Variants in TEK observed in about 807,000 individuals in gnomAD.
TEK encodes angiopoietin-1 receptor.
A neutral mutation model predicts 131.8 loss-of-function variants in TEK; 43 were observed. That is an observed-to-expected ratio of 0.33 (90% CI 0.26 to 0.42). The LOEUF is 0.42. TEK is among the 10% of genes least tolerant of loss of function. TEK has a pLI of 1.00. For synonymous variants in TEK, 580 were observed against 491.6 expected (o/e 1.18, Z -2.38); for missense variants, 1,162 against 1,384.4 (o/e 0.84, Z 2.55).
chr9:27,171,717 A>T (rs77963536), intron 4 of TEK, among the ~76,000 whole-genome samples: 2,283 of 152,290 alleles, frequency 0.015, 67 homozygotes, highest in African/African-American at 0.052. Flanking sequence ...TTGTAATATG[A>T]ATCTTAAAAA....
chr9:27,123,974 G>A lies in TEK; in HGVS notation c.52+14332G>A, dbSNP rs193133977. Among the ~76,000 whole-genome samples the A allele has an allele frequency of 4.3e-3, 648 of 152,186 alleles. 4 individuals carry two copies. Among genetic ancestry groups the A allele is most frequent in the Non-Finnish European group, 5.5e-3 (374 of 67,986 alleles). ...GTATTTTTAGTAGAGATGGGGTTTCGCCAAGTTGGTCAGGCTGGTCTTGAA... is the reference window on the plus strand; with the variant it reads ...GTATTTTTAGTAGAGATGGGGTTTCACCAAGTTGGTCAGGCTGGTCTTGAA... On this transcript the variant is annotated intron_variant, in intron 1 of 22. Coordinates refer to ENST00000380036, the MANE Select transcript of TEK (RefSeq NM_000459.5).
chr9:27,197,703 G>A, intron 12 of TEK, 104 bp downstream of exon 12: 3 of 1,467,128 alleles, frequency 2.0e-6, no homozygotes, highest in Non-Finnish European at 1.9e-6. Flanking sequence ...ATGAAAGAAA[G>A]TTAGTTGTGA....
intron 4 of TEK, among the ~76,000 whole-genome samples, chr9:27,169,888 ACTCAGGGCAAATCATTTTCTTTT>A (rs1196590180): frequency 2.6e-5 from 4 of 152,162 alleles, no homozygotes; most frequent in South Asian, 4.1e-4. Context: ...GCTGGGGAAA[ACTCAGGGCAAATCATTTTCTTTT>A]CTCAGGGCAA....
Position 27,109,438 on chromosome 9 carries a change from G to A in TEK, c.-153G>A, listed in dbSNP as rs188791221. On this transcript the variant is annotated 5_prime_UTR_variant, in exon 1 of 23. Coordinates refer to ENST00000380036, the MANE Select transcript of TEK (RefSeq NM_000459.5). ...CTCAGACAGAAATGAGACTGTTACAGCCTGCTTCTGTGCTGTTCCTTCTTG... is the reference window on the plus strand; with the variant it reads ...CTCAGACAGAAATGAGACTGTTACAACCTGCTTCTGTGCTGTTCCTTCTTG... 42 of 785,786 alleles carry A rather than the reference G, an allele frequency of 5.3e-5. No individual in the cohort carries two copies. The highest frequency in any genetic ancestry group is 4.1e-4 in the South Asian group (28 of 68,308). 48.7% of individuals were successfully genotyped at this position (785,786 alleles called of 1,614,324 possible). A position where few individuals can be genotyped will look rare whatever the true frequency, so the allele number is the denominator to read the frequency against.
intron 16 of TEK, among the ~76,000 whole-genome samples, chr9:27,209,543 G>A (rs1189907175): frequency 1.3e-5 from 2 of 152,126 alleles, no homozygotes; most frequent in Non-Finnish European, 2.9e-5. Flanking sequence ...TACTATTATA[G>A]TAGGGGAGCC....
chr9:27,144,315 G>A lies in TEK; in HGVS notation c.53-13516G>A, dbSNP rs12341639. On this transcript the variant is annotated intron_variant, in intron 1 of 22. Transcript: ENST00000380036. The stretch of plus-strand genomic sequence containing the variant: ...AGGAAAAGGAGAATATGTAAAGAGC[G>A]TAGCTCATGCGAAGATGCTATGGAT... Among the ~76,000 whole-genome samples the A allele has an allele frequency of 4.1e-3, 627 of 152,230 alleles. 3 individuals carry two copies. The highest frequency in any genetic ancestry group is 0.014 in the African/African-American group (597 of 41,532).
At chr9:27,190,454 C>G in intron 9 of TEK, 75 bp from the exon 10 acceptor site, 1 of 1,577,120 alleles carries the variant, frequency 6.3e-7, no homozygotes, top group Non-Finnish European at 8.7e-7. Context: ...TAAAACATAT[C>G]TTCTACCTCT....
chr9:27,109,752 A>G, intron 1 of TEK, 110 bp downstream of exon 1: 2 of 1,048,106 alleles, frequency 1.9e-6, no homozygotes, highest in Non-Finnish European at 1.5e-6. Flanking sequence ...GGGTGGCTGT[A>G]GCAAAGGCAC....
At chr9:27,185,779 T>A in intron 9 of TEK, 150 bp downstream of exon 9, 1 of 1,093,660 alleles carries the variant, frequency 9.1e-7, no homozygotes, top group Non-Finnish European at 1.3e-6. Context: ...TGCATGAAAC[T>A]AGAGTGAAGA....
intron 9 of TEK, among the ~76,000 whole-genome samples, chr9:27,190,235 A>C (rs1424462269): frequency 1.3e-5 from 2 of 152,142 alleles, no homozygotes; most frequent in Admixed American, 6.6e-5. Flanking sequence ...TAATCACTCA[A>C]GGCCTGGCTG....
chr9:27,139,144 C>T (rs534381191), intron 1 of TEK, among the ~76,000 whole-genome samples: 20 of 135,468 alleles, frequency 1.5e-4, no homozygotes, highest in Non-Finnish European at 2.9e-4. Context: ...ACCTGGGAGG[C>T]GGAGCTTGCA....
Position 27,220,151 on chromosome 9 carries a change from T to G in TEK, c.3200+6T>G. 1 of 1,613,428 alleles carries G rather than the reference T, an allele frequency of 6.2e-7. No homozygotes were observed. Among genetic ancestry groups the G allele is most frequent in the Non-Finnish European group, 8.5e-7 (1 of 1,179,838 alleles). On this transcript the variant is annotated splice_donor_region_variant and intron_variant, in intron 21 of 22. Transcript: ENST00000380036. ...CTGAACTGTGATGATGAGGTGTAAG[T>G]CAGGCCTCATCCTGGGGCTATTTTG...
At chr9:27,183,671 C>T (rs1824484797) in intron 8 of TEK, 61 bp downstream of exon 8, 3 of 1,591,308 alleles carry the variant, frequency 1.9e-6, no homozygotes, top group Non-Finnish European at 1.7e-6. Context: ...TAGTAATCAC[C>T]CCACTAAATG....
At chr9:27,172,501 A>G (rs963177337) in intron 4 of TEK, 115 bp from the exon 5 acceptor site, 4 of 1,433,618 alleles carry the variant, frequency 2.8e-6, no homozygotes, top group Non-Finnish European at 1.9e-6. Flanking sequence ...CAGAGCCTGT[A>G]TTTTATCTTT....
At chr9:27,121,533 A>G (rs1348885133) in intron 1 of TEK, among the ~76,000 whole-genome samples, 1 of 150,200 alleles carries the variant, frequency 6.7e-6, no homozygotes, top group East Asian at 1.9e-4. Flanking sequence ...TATATGTATA[A>G]ATATATTTTC....
intron 1 of TEK, among the ~76,000 whole-genome samples, chr9:27,111,044 C>T (rs993628973): frequency 6.6e-6 from 1 of 152,118 alleles, no homozygotes; most frequent in South Asian, 2.1e-4. Flanking sequence ...TAGGTTAATA[C>T]ACACACAACT....
rs113907410 is a variant in TEK at position 27,111,200 on chromosome 9, C to T, written c.52+1558C>T. On this transcript the variant is annotated intron_variant, in intron 1 of 22. Coordinates refer to ENST00000380036, the MANE Select transcript of TEK (RefSeq NM_000459.5). ...CTAGACCTCAGATCCCTGGAAAAAACAGCACTGCCTTTAAAAGGCAGAGGA... is the reference window on the plus strand; with the variant it reads ...CTAGACCTCAGATCCCTGGAAAAAATAGCACTGCCTTTAAAAGGCAGAGGA... Among the ~76,000 whole-genome samples the T allele has an allele frequency of 5.9e-3, 883 of 150,712 alleles. 10 individuals are homozygous for T. The highest frequency in any genetic ancestry group is 0.02 in the African/African-American group (830 of 40,946).
chr9:27,219,079 T>G lies in TEK; in HGVS notation c.3103+262T>G, dbSNP rs1825941259. Reference sequence around the variant, plus strand: ...GGCTCCGCTTGTACAAGTTGCCAGGTTAACTTCTAAAACTCTTAGATTATG... The same window carrying G: ...GGCTCCGCTTGTACAAGTTGCCAGGGTAACTTCTAAAACTCTTAGATTATG... On this transcript the variant is annotated intron_variant, in intron 20 of 22. Transcript: ENST00000380036. Among the ~76,000 whole-genome samples the G allele has an allele frequency of 1.4e-5, 2 of 146,836 alleles. 1 individual carries two copies. The highest frequency in any genetic ancestry group is 3.0e-5 in the Non-Finnish European group (2 of 66,432).
At chr9:27,217,634 A>G (rs1207081484) in intron 18 of TEK, 54 bp from the exon 19 acceptor site, 12 of 1,526,586 alleles carry the variant, frequency 7.9e-6, no homozygotes, top group Non-Finnish European at 1.1e-5. Context: ...GCAGGCTGAG[A>G]GCCTCTTAAA....
Sources: gnomAD v4.1 joint callset for allele counts (sites outside exome capture counted in the v4.1 genomes callset) on GRCh38, gnomAD v4.1.1 for gene constraint, MANE v1.5 for transcripts, NCBI Gene and HGNC (gene_info 2026-07-23, HGNC 2026-07-21) for gene names.